Variants in FOXP2 observed in about 807,000 individuals in gnomAD.
FOXP2 encodes the protein forkhead box protein P2.
In FOXP2, 12 loss-of-function variants were observed where a neutral mutation model predicts 115.8. That is an observed-to-expected ratio of 0.10 (90% CI 0.07 to 0.17). The LOEUF is 0.17. FOXP2 is among the 10% of genes least tolerant of loss of function. FOXP2 has a pLI of 1.00. For synonymous variants in FOXP2, 328 were observed against 297.7 expected (o/e 1.10, Z -1.05); for missense variants, 629 against 843.5 (o/e 0.75, Z 3.15).
intron 1 of FOXP2, among the ~76,000 whole-genome samples, chr7:114,201,870 T>C (rs114437614): frequency 6.6e-6 from 1 of 152,322 alleles, no homozygotes; most frequent in African/African-American, 2.4e-5. Flanking sequence ...CTCTACTTGA[T>C]ACTACCCTTA....
chr7:114,631,111 T>G (rs1181364493), intron 5 of FOXP2: 1 of 219,460 alleles, frequency 4.6e-6, no homozygotes, highest in Non-Finnish European at 9.2e-6. Context: ...TACTAATAGA[T>G]CACCAGAGAC....
At position 114,424,275 on chromosome 7, in the gene FOXP2, A is replaced by G. The variant is rs147266397; in HGVS notation, c.-10-2227A>G. On this transcript the variant is annotated intron_variant, in intron 1 of 16. Coordinates refer to ENST00000350908, the MANE Select transcript of FOXP2 (RefSeq NM_014491.4). ...ATTGGTCCTGAGATTTACTACACAA[A>G]GGTTAGTAGTAAATGCTGCACCTGT... 2.2e-4 allele frequency among the ~76,000 whole-genome samples: 34 copies of G among 151,478 alleles called. No homozygotes were observed. In the East Asian group the frequency reaches 6.6e-3, roughly 30 times the overall value.
In FOXP2 at chr7:114,176,294, T is replaced by TCTCTCTCTCTCTCTC. The variant is rs1554426527; in HGVS notation, c.-102+13206_-102+13207insCTCTCTCTCTCTCTC. Among the ~76,000 whole-genome samples, 2 of 49,378 alleles carry TCTCTCTCTCTCTCTC rather than the reference T, an allele frequency of 4.1e-5. 1 individual carries two copies. The highest frequency in any genetic ancestry group is 1.6e-4 in the African/African-American group (2 of 12,468). 32.4% of individuals were successfully genotyped at this position (49,378 alleles called of 152,430 possible). A position where few individuals can be genotyped will look rare whatever the true frequency, so the allele number is the denominator to read the frequency against. On this transcript the variant is annotated intron_variant, in intron 1 of 17. Transcript: ENST00000634411. ...TTTCTTTCTTTCTTTCTTTCTTTCT[T>TCTCTCTCTCTCTCTC]TCTTTCTCTCTCTCTCTCTCTCTCT...
chr7:114,547,366 G>A (rs544434403), intron 3 of FOXP2, among the ~76,000 whole-genome samples: 2 of 152,046 alleles, frequency 1.3e-5, no homozygotes, highest in Admixed American at 6.5e-5. Context: ...ACTCCTCATT[G>A]CTCTATATTA....
chr7:114,666,367 C>T (rs1013662789), intron 16 of FOXP2: 4 of 151,884 alleles, frequency 2.6e-5, no homozygotes, highest in Admixed American at 1.3e-4. Context: ...GTTTCTGCTG[C>T]TGTCATTAGG....
At chr7:114,645,018 T>C (rs1173337487) in intron 8 of FOXP2, 9 of 404,208 alleles carry the variant, frequency 2.2e-5, no homozygotes, top group Non-Finnish European at 3.7e-5. Flanking sequence ...TGAAAAATAT[T>C]AGCCTACAAT....
chr7:114,225,710 C>T (rs2129164867), intron 1 of FOXP2, among the ~76,000 whole-genome samples: 1 of 152,214 alleles, frequency 6.6e-6, no homozygotes, highest in South Asian at 2.1e-4. Context: ...GTCTTGGCCG[C>T]CCAAAGTGCT....
chr7:114,463,776 G>C (rs1795684908), intron 2 of FOXP2, among the ~76,000 whole-genome samples: 3 of 152,158 alleles, frequency 2.0e-5, no homozygotes, highest in Non-Finnish European at 1.5e-5. Context: ...CTAGCCACCT[G>C]AATGGTAAGT....
chr7:114,684,808 T>C (rs1808275912), intron 16 of FOXP2, among the ~76,000 whole-genome samples: 1 of 152,190 alleles, frequency 6.6e-6, no homozygotes, highest in Admixed American at 6.6e-5. Flanking sequence ...ATTAGAAGAT[T>C]TCATTTGTAT....
intron 1 of FOXP2, among the ~76,000 whole-genome samples, chr7:114,119,303 T>C (rs1791495695): frequency 1.3e-5 from 2 of 152,276 alleles, no homozygotes; most frequent in East Asian, 3.9e-4. Context: ...GAATTACCAA[T>C]ATTTTCTGGC....
At chr7:114,584,183 T>C (rs1320743617) in intron 3 of FOXP2, among the ~76,000 whole-genome samples, 3 of 152,204 alleles carry the variant, frequency 2.0e-5, no homozygotes, top group Non-Finnish European at 4.4e-5. Context: ...ATCTGACTTT[T>C]ACATCACACC....
intron 1 of FOXP2, among the ~76,000 whole-genome samples, chr7:114,118,733 C>T (rs113619086): frequency 7.4e-4 from 112 of 152,182 alleles, no homozygotes; most frequent in African/African-American, 2.4e-3. Context: ...CCATGTGTCA[C>T]CTGATCCTTA....
At position 114,690,314 on chromosome 7, in the gene FOXP2, G is replaced by A. The variant is rs750669536; in HGVS notation, c.*388G>A. The A allele has an allele frequency of 8.8e-6, 4 of 455,276 alleles. No homozygotes were observed. Among genetic ancestry groups the A allele is most frequent in the South Asian group, 6.2e-5 (4 of 64,478 alleles). The allele number at this position is 455,276 out of a possible 1,614,324, so 28.2% of individuals were successfully genotyped here. On this transcript the variant is annotated 3_prime_UTR_variant, in exon 17 of 17. Transcript: ENST00000350908. ...TGCGCCTCATATACTGCCAAAAATA[G>A]TGTTAGTTTCATTAATGTGAATTTT... is the stretch of plus-strand genomic sequence containing the variant.
intron 3 of FOXP2, among the ~76,000 whole-genome samples, chr7:114,550,099 C>G (rs1215750964): frequency 7.2e-6 from 1 of 139,250 alleles, no homozygotes; most frequent in East Asian, 2.1e-4. Context: ...GAGAGCTCAT[C>G]TTCCTTTCTT....
chr7:114,095,610 C>CATAAATAT (rs1355575753), intron 1 of FOXP2, among the ~76,000 whole-genome samples: 7 of 152,092 alleles, frequency 4.6e-5, no homozygotes, highest in Non-Finnish European at 8.8e-5. Context: ...GATTAAGAAA[C>CATAAATAT]ATAAATATCC....
intron 2 of FOXP2, among the ~76,000 whole-genome samples, chr7:114,492,269 A>G (rs1204176321): frequency 2.6e-5 from 4 of 151,842 alleles, no homozygotes; most frequent in Non-Finnish European, 5.9e-5. Context: ...CCCCTTTATC[A>G]TTTTTTATTG....
chr7:114,150,844 C>T (rs1182018605), intron 1 of FOXP2, among the ~76,000 whole-genome samples: 1 of 151,892 alleles, frequency 6.6e-6, no homozygotes, highest in Non-Finnish European at 1.5e-5. Flanking sequence ...TGTTTTTGAT[C>T]AGATTGTATT....
At chr7:114,453,389 A>G (rs1009563848) in intron 2 of FOXP2, among the ~76,000 whole-genome samples, 1 of 152,084 alleles carries the variant, frequency 6.6e-6, no homozygotes, top group Non-Finnish European at 1.5e-5. Flanking sequence ...TGTGGATACT[A>G]TCTCTTCTCT....
intron 3 of FOXP2, among the ~76,000 whole-genome samples, chr7:114,615,055 C>T (rs1343961076): frequency 6.6e-6 from 1 of 151,928 alleles, no homozygotes; most frequent in Non-Finnish European, 1.5e-5. Context: ...CCCGTCTCTA[C>T]CAAAAATGCA....
Sources: allele counts gnomAD v4.1 joint callset (sites outside exome capture counted in the v4.1 genomes callset), GRCh38; gene constraint gnomAD v4.1.1; transcripts MANE v1.5; gene names NCBI Gene and HGNC (gene_info 2026-07-23, HGNC 2026-07-21).